LPIN1: variants seen among roughly 807,000 people sequenced by gnomAD.
LPIN1 encodes the protein phosphatidate phosphatase LPIN1.
In LPIN1, 71 loss-of-function variants were observed where a neutral mutation model predicts 107.5. That is an observed-to-expected ratio of 0.66 (90% CI 0.55 to 0.80). LPIN1 has a LOEUF of 0.80. LPIN1 is among the 30% of genes least tolerant of loss of function. The pLI is 0.00. For missense variants in LPIN1, 1,043 were observed against 1,160.6 expected (o/e 0.90, Z 1.47); for synonymous variants, 445 against 452.6 (o/e 0.98, Z 0.21).
At chr2:11,787,669 C>T (rs1338225779) in intron 11 of LPIN1, among the ~76,000 whole-genome samples, 1 of 152,082 alleles carries the variant, frequency 6.6e-6, no homozygotes, top group Non-Finnish European at 1.5e-5. Flanking sequence ...CGGCTGGGCG[C>T]AGTGGCTGGC....
intron 1 of LPIN1, among the ~76,000 whole-genome samples, chr2:11,703,922 C>T (rs575893562): frequency 4.6e-5 from 7 of 152,268 alleles, no homozygotes; most frequent in East Asian, 3.9e-4. Flanking sequence ...GATGACTCTG[C>T]GGTATGTGAC....
At chr2:11,766,743 G>A (rs1022704938) in intron 2 of LPIN1, among the ~76,000 whole-genome samples, 3 of 149,754 alleles carry the variant, frequency 2.0e-5, no homozygotes, top group African/African-American at 7.6e-5. Context: ...ACCAGTTCCT[G>A]GGCTCTTATC....
intron 11 of LPIN1, 35 bp from the exon 12 acceptor site, chr2:11,788,352 G>A (rs757154737): frequency 6.5e-6 from 10 of 1,535,170 alleles, no homozygotes; most frequent in Middle Eastern, 1.7e-4. Context: ...TCTGAGCCTC[G>A]GTTTTTTGAC....
intron 1 of LPIN1, among the ~76,000 whole-genome samples, chr2:11,730,717 G>C (rs979055131): frequency 6.6e-6 from 1 of 152,182 alleles, no homozygotes; most frequent in African/African-American, 2.4e-5. Context: ...AGTTGGGCTA[G>C]GTTTGAAGTT....
intron 1 of LPIN1, among the ~76,000 whole-genome samples, chr2:11,726,998 C>T (rs886619748): frequency 1.3e-5 from 2 of 152,242 alleles, no homozygotes; most frequent in African/African-American, 4.8e-5. Context: ...GCACATGGTG[C>T]AGACATGCCA....
At chr2:11,762,044 A>T (rs189753459) in intron 1 of LPIN1, among the ~76,000 whole-genome samples, 46 of 152,158 alleles carry the variant, frequency 3.0e-4, no homozygotes, top group Admixed American at 9.2e-4. Flanking sequence ...GATGCCAGTC[A>T]CAGTCTGGGC....
Position 11,773,716 on chromosome 2 carries a change from T to C in LPIN1, c.693T>C (p.Asn231=). ...ACCCTCAGTCAGCCTCATACCCTAA[T>C]TCGGATAGAGAGTGGTCACCCACTC... ...VIYPQSASYP[N]SDREWSPTPS... Residue 231 remains asparagine, a synonymous_variant, in exon 5 of 21, where the codon AAT becomes AAC. Transcript: ENST00000674199. 2 of 1,614,068 alleles carry C rather than the reference T, an allele frequency of 1.2e-6. No homozygotes were observed. Among genetic ancestry groups the C allele is most frequent in the Non-Finnish European group, 8.5e-7 (1 of 1,179,974 alleles).
chr2:11,798,532 C>T lies in LPIN1; in HGVS notation c.1886+3045C>T, dbSNP rs1400581717. Among the ~76,000 whole-genome samples the T allele has an allele frequency of 5.3e-5, 8 of 152,070 alleles. No homozygotes were observed. In the South Asian group the frequency reaches 8.3e-4, roughly 16 times the overall value. On this transcript the variant is annotated intron_variant, in intron 14 of 20. Coordinates refer to ENST00000674199, the MANE Select transcript of LPIN1 (RefSeq NM_001349206.2). ...GGGTGTCACGGATTTTCTCACTGTC[C>T]GATACAATCATATTCAAATGGGGCA...
At chr2:11,764,902 G>T (rs1451471514) in intron 1 of LPIN1, among the ~76,000 whole-genome samples, 3 of 152,230 alleles carry the variant, frequency 2.0e-5, no homozygotes, top group African/African-American at 7.2e-5. Flanking sequence ...TCATGGGACT[G>T]CAGAGGAGAC....
chr2:11,776,537 T>C (rs1222599861), intron 6 of LPIN1, among the ~76,000 whole-genome samples: 1 of 152,046 alleles, frequency 6.6e-6, no homozygotes, highest in Non-Finnish European at 1.5e-5. Flanking sequence ...AATAATGAAA[T>C]ATAGCTTGGG....
intron 14 of LPIN1, 32 bp downstream of exon 14, chr2:11,795,519 G>A: frequency 6.3e-7 from 1 of 1,583,692 alleles, no homozygotes. Context: ...GATGTTTGCA[G>A]CCCCTTTCCG....
intron 1 of LPIN1, among the ~76,000 whole-genome samples, chr2:11,701,679 C>T (rs1234190891): frequency 2.6e-5 from 4 of 152,210 alleles, no homozygotes; most frequent in African/African-American, 9.6e-5. Flanking sequence ...ACATCATCAT[C>T]TCCATTCATG....
upstream of LPIN1, among the ~76,000 whole-genome samples, chr2:11,744,308 C>T (rs1228637787): frequency 1.3e-5 from 2 of 152,208 alleles, no homozygotes; most frequent in African/African-American, 2.4e-5. Context: ...CAGCCAAGGG[C>T]CCTCCCAGGG....
chr2:11,804,251 C>A (rs532177127), intron 15 of LPIN1, among the ~76,000 whole-genome samples, 172 bp from the exon 16 acceptor site: 37 of 152,206 alleles, frequency 2.4e-4, no homozygotes, highest in African/African-American at 8.7e-4. Context: ...CCTGTCCAGC[C>A]CCGGAAAGAA....
chr2:11,734,749 C>T (rs1665612021), intron 1 of LPIN1, among the ~76,000 whole-genome samples: 2 of 152,148 alleles, frequency 1.3e-5, no homozygotes, highest in Admixed American at 1.3e-4. Context: ...GCTTATTTAG[C>T]TTTTCAAAAG....
rs1463970447 is a variant in LPIN1 at position 11,776,065 on chromosome 2, G to A, written c.723-21G>A. 8.4e-6 allele frequency: 12 copies of A among 1,435,148 alleles called. 1 individual carries two copies. In the South Asian group the frequency reaches 1.4e-4, roughly 16 times the overall value. The allele number at this position is 1,435,148 out of a possible 1,614,324, so 88.9% of individuals were successfully genotyped here. ...TCTGATTTTGTCTTTCTTTTAATGT[G>A]TATCACGTGGTGGTATCCAGTAGCC... On this transcript the variant is annotated intron_variant, in intron 5 of 20. Transcript: ENST00000674199.
intron 4 of LPIN1, among the ~76,000 whole-genome samples, chr2:11,772,183 T>C (rs778264756): frequency 6.6e-6 from 1 of 152,178 alleles, no homozygotes; most frequent in Admixed American, 6.5e-5. Flanking sequence ...ATGTGAGGGA[T>C]GGGGAGCGAC....
At chr2:11,785,634 G>A (rs1674430099) in intron 10 of LPIN1, among the ~76,000 whole-genome samples, 1 of 152,128 alleles carries the variant, frequency 6.6e-6, no homozygotes. Context: ...TAGACACAGT[G>A]GCCCTGCACC....
At chr2:11,788,561 C>T in intron 12 of LPIN1, 105 bp downstream of exon 12, 1 of 875,550 alleles carries the variant, frequency 1.1e-6, no homozygotes, top group Non-Finnish European at 1.9e-6. Context: ...AGAGTTAATT[C>T]CACTGTGCTC....
Sources: gnomAD v4.1 joint callset for allele counts (sites outside exome capture counted in the v4.1 genomes callset) on GRCh38, gnomAD v4.1.1 for gene constraint, MANE v1.5 for transcripts, NCBI Gene and HGNC (gene_info 2026-07-23, HGNC 2026-07-21) for gene names.